Variants in MROH2A observed in about 807,000 individuals in gnomAD.
MROH2A encodes maestro heat-like repeat-containing protein family member 2A.
In MROH2A, 174 loss-of-function variants were observed where a neutral mutation model predicts 200.4. That is an observed-to-expected ratio of 0.87 (90% CI 0.77 to 0.98). MROH2A has a LOEUF of 0.98. Ranked by LOEUF, MROH2A falls within the 50% of genes least tolerant of loss-of-function variation. The pLI, the probability that MROH2A is intolerant of heterozygous loss-of-function variation, is 0.00. For missense variants in MROH2A, 2,045 were observed against 2,139.6 expected, an observed-to-expected ratio of 0.96 and a Z score of 0.87; for synonymous variants, 829 against 840.4, an observed-to-expected ratio of 0.99 and a Z score of 0.23.
rs759166116 is a variant in MROH2A, at chr2:233,793,791, C to T, written c.789C>T (p.Phe263=). The T allele has an allele frequency of 1.0e-5, 15 of 1,475,472 alleles. No homozygotes were observed. In the East Asian group the frequency reaches 1.4e-4, roughly 14 times the overall value. 91.4% of individuals were successfully genotyped at this position (1,475,472 alleles called of 1,614,324 possible). A position where few individuals can be genotyped will look rare whatever the true frequency, so the allele number is the denominator to read the frequency against. Residue 263 remains phenylalanine, a synonymous_variant, in exon 7 of 42, where the codon TTC becomes TTT. Coordinates refer to ENST00000389758, the MANE Select transcript of MROH2A (RefSeq NM_001394639.1). ...AGGTGTTCCCCATGTATCGCTACTT[C>T]GTGACAGTGTGGCTGAGGCACTACA... ...ALKVFPMYRY[F]VTVWLRHYNP...
rs1704901423 is a variant in MROH2A, at chr2:233,833,159, AC to A, written c.4928del (p.Pro1643ArgfsTer40). ...LRNSLQELQL[D>X]PDPGVRRAAL... ...TCAGCCCTCCAGGAACTACAGCTGG[AC>A]CCGGATCCCGGGGTCAGGAGGGCAG... On this transcript the variant is annotated frameshift_variant, in exon 42 of 42. Transcript: ENST00000389758. LOFTEE classifies it high-confidence loss of function. The A allele has an allele frequency of 3.9e-6, 6 of 1,548,726 alleles. 1 individual carries two copies. The South Asian group carries it at 7.2e-5, about 18-fold the overall frequency.
At chr2:233,798,307 C>T (rs1559452597) in intron 11 of MROH2A, among the ~76,000 whole-genome samples, 2 of 152,196 alleles carry the variant, frequency 1.3e-5, no homozygotes, top group South Asian at 2.1e-4. Context: ...ACTTTACAGG[C>T]GAGGAAACTG....
Position 233,832,193 on chromosome 2 carries a change from C to T in MROH2A, c.4751C>T (p.Ala1584Val). The part of the protein sequence containing the change: ...MCSILTRKKP[A>V]VLYRFLLETM... The stretch of plus-strand genomic sequence containing the variant: ...TTTTTGCAGACTCGGAAAAAGCCGG[C>T]TGTTCTCTACCGCTTCTTGCTAGAA... Residue 1584 changes from alanine to valine, a missense_variant, in exon 40 of 42, where the codon GCT becomes GTT. Ala to Val is a moderately conservative substitution (Grantham distance 64). Transcript: ENST00000389758. 6.4e-7 allele frequency: 1 copy of T among 1,550,620 alleles called. No homozygotes were observed. The highest frequency in any genetic ancestry group is 8.7e-7 in the Non-Finnish European group (1 of 1,147,010).
At chr2:233,816,358 C>G (rs965746906) in intron 26 of MROH2A, among the ~76,000 whole-genome samples, 1 of 152,160 alleles carries the variant, frequency 6.6e-6, no homozygotes, top group African/African-American at 2.4e-5. Flanking sequence ...TATTATTTAG[C>G]TATGTTATTA....
intron 3 of MROH2A, among the ~76,000 whole-genome samples, chr2:233,783,999 A>T (rs1020394016): frequency 6.6e-6 from 1 of 151,724 alleles, no homozygotes; most frequent in African/African-American, 2.4e-5. Context: ...CAAAAACTCA[A>T]CTTTTCTTTT....
In MROH2A at chr2:233,799,805, T is replaced by A; in HGVS notation, c.1355T>A (p.Ile452Asn). 19 of 1,550,398 alleles carry A rather than the reference T, an allele frequency of 1.2e-5. No individual in the cohort carries two copies. Among genetic ancestry groups the A allele is most frequent in the Non-Finnish European group, 1.7e-5 (19 of 1,146,950 alleles). Residue 452 changes from isoleucine (I) to asparagine (N), a missense_variant, in exon 13 of 42, where the codon ATT (isoleucine) becomes AAT (asparagine). Ile to Asn is a moderately radical substitution (Grantham distance 149). Coordinates refer to ENST00000389758, the MANE Select transcript of MROH2A (RefSeq NM_001394639.1). ...GTGAGGATGGCTATTCTCCACATCA[T>A]TGGGCAGTTGGCTCTCTGTGGCTAC... ...SKVRMAILHI[I>N]GQLALCGYQE...
rs1246711405 is a variant in MROH2A, at chr2:233,802,242, C to T, written c.1635C>T (p.Ser545=). The change falls in exon 15 of 42, where the codon AGC becomes AGT. Residue 545 remains serine (S), a synonymous_variant. Coordinates refer to ENST00000389758, the MANE Select transcript of MROH2A (RefSeq NM_001394639.1). ...AAGCTTTGACTCCTATCTGTATCAG[C>T]CTCACAAACCTGGCAGAACACCAGC... is the stretch of plus-strand genomic sequence containing the variant. The part of the protein sequence containing the change: ...YVEALTPICI[S]LTNLAEHQLH... The T allele has an allele frequency of 6.4e-7, 1 of 1,550,534 alleles. No homozygotes were observed. Among genetic ancestry groups the T allele is most frequent in the South Asian group, 1.2e-5 (1 of 84,048 alleles).
At chr2:233,815,021 T>A (rs572529665) in intron 26 of MROH2A, among the ~76,000 whole-genome samples, 1 of 152,358 alleles carries the variant, frequency 6.6e-6, no homozygotes, top group East Asian at 1.9e-4. Flanking sequence ...GGACATTTAA[T>A]GTTGACACGA....
intron 11 of MROH2A, among the ~76,000 whole-genome samples, chr2:233,797,959 A>T (rs1034217680): frequency 6.6e-6 from 1 of 152,210 alleles, no homozygotes; most frequent in Admixed American, 6.5e-5. Context: ...TTATAATCAG[A>T]AACAGTTTGC....
In MROH2A at chr2:233,818,674, G is replaced by A. The variant is rs985923496; in HGVS notation, c.3108G>A (p.Trp1036Ter). 4.5e-6 allele frequency: 7 copies of A among 1,549,134 alleles called. No individual in the cohort carries two copies. Among genetic ancestry groups the A allele is most frequent in the Non-Finnish European group, 6.1e-6 (7 of 1,145,964 alleles). Residue 1036 changes from tryptophan (W) to a stop codon, truncating the protein, a stop_gained, in exon 29 of 42, where the codon TGG becomes TGA. Coordinates refer to ENST00000389758, the MANE Select transcript of MROH2A (RefSeq NM_001394639.1). LOFTEE classifies it high-confidence loss of function. ...DLHASQTCSL[W>*]GPSKQKELEK... is the part of the protein sequence containing the mutation. ...CAGCAAGCCAGACCTGCTCCTTGTGGGGCCCTTCCAAGCAGAAGGAGCTTG... is the reference window on the plus strand; with the variant it reads ...CAGCAAGCCAGACCTGCTCCTTGTGAGGCCCTTCCAAGCAGAAGGAGCTTG...
At chr2:233,790,147 AT>A in intron 5 of MROH2A, 133 bp downstream of exon 5, 2 of 882,052 alleles carry the variant, frequency 2.3e-6, no homozygotes, top group Non-Finnish European at 3.3e-6. Flanking sequence ...TCTAAAATTG[AT>A]TCATTTTGTG....
At chr2:233,824,496 C>T (rs1217618914) in intron 35 of MROH2A, among the ~76,000 whole-genome samples, 1 of 152,226 alleles carries the variant, frequency 6.6e-6, no homozygotes, top group Non-Finnish European at 1.5e-5. Context: ...CTCGTTGTCT[C>T]ACCCAGGACC....
chr2:233,825,615 C>T (rs1249924847), intron 35 of MROH2A, among the ~76,000 whole-genome samples: 4 of 152,206 alleles, frequency 2.6e-5, no homozygotes, highest in Admixed American at 1.3e-4. Context: ...TGATGAATTA[C>T]GTTTATTGAT....
chr2:233,818,474 G>A (rs573445875), intron 28 of MROH2A, among the ~76,000 whole-genome samples, 178 bp from the exon 29 acceptor site: 1 of 152,150 alleles, frequency 6.6e-6, no homozygotes, highest in Admixed American at 6.5e-5. Flanking sequence ...CGGAGAGGTG[G>A]TGCGGGCAGA....
chr2:233,820,633 C>T lies in MROH2A; in HGVS notation c.3512+577C>T, dbSNP rs1559477376. ...GCACAGGCAGCTGGGCATGGTCTCCCCACATGTGGGGAGTCTGTTTGGGGT... is the reference window on the plus strand; with the variant it reads ...GCACAGGCAGCTGGGCATGGTCTCCTCACATGTGGGGAGTCTGTTTGGGGT... On this transcript the variant is annotated intron_variant, in intron 31 of 41. Transcript: ENST00000389758. This position sits in a 1 kb window ranked among gnomAD's most constrained non-coding sequence, Gnocchi z 4.1. 6.6e-6 allele frequency among the ~76,000 whole-genome samples: 1 copy of T among 152,030 alleles called. No homozygotes were observed. Among genetic ancestry groups the T allele is most frequent in the Non-Finnish European group, 1.5e-5 (1 of 68,000 alleles).
chr2:233,779,484 G>A (rs1423084878), intron 2 of MROH2A, 32 bp downstream of exon 2: 1 of 1,506,678 alleles, frequency 6.6e-7, no homozygotes, highest in South Asian at 1.2e-5. Context: ...CTGCTTTCCT[G>A]CCCCATCTCA....
intron 21 of MROH2A, among the ~76,000 whole-genome samples, 165 bp downstream of exon 21, chr2:233,808,020 G>C (rs551553996): frequency 6.6e-6 from 1 of 152,314 alleles, no homozygotes; most frequent in East Asian, 1.9e-4. Flanking sequence ...CTCCTGGACA[G>C]AGCTTTTGCT....
At chr2:233,812,061 T>G in intron 24 of MROH2A, 102 bp downstream of exon 24, 2 of 810,390 alleles carry the variant, frequency 2.5e-6, no homozygotes, top group African/African-American at 1.7e-5. Context: ...TTTCCTCTCC[T>G]CCCTCTGTAG....
intron 14 of MROH2A, 44 bp from the exon 15 acceptor site, chr2:233,802,124 C>A: frequency 6.6e-7 from 1 of 1,520,912 alleles, no homozygotes; most frequent in Middle Eastern, 1.7e-4. Flanking sequence ...AAGCCCAGGG[C>A]TTGGGCTAAT....
Sources: allele counts gnomAD v4.1 joint callset (sites outside exome capture counted in the v4.1 genomes callset), GRCh38; gene constraint gnomAD v4.1.1; non-coding constraint Gnocchi (gnomAD v3.1); transcripts MANE v1.5; gene names NCBI Gene and HGNC (gene_info 2026-07-23, HGNC 2026-07-21).